Variants in RERE observed in about 807,000 individuals in gnomAD.
The protein encoded by RERE is arginine-glutamic acid dipeptide repeats.
In RERE, 40 loss-of-function variants were observed where a neutral mutation model predicts 146.1. The observed-to-expected ratio is 0.27, with a 90% confidence interval of 0.21 to 0.36. RERE has a LOEUF of 0.36. RERE is among the 10% of genes least tolerant of loss of function. The pLI is 1.00. For synonymous variants in RERE, 1,003 were observed against 866.0 expected (o/e 1.16, Z -2.78); for missense variants, 1,933 against 2,138.7 (o/e 0.90, Z 1.90).
chr1:8,684,465 C>T (rs1284066066), intron 1 of RERE, among the ~76,000 whole-genome samples: 2 of 151,976 alleles, frequency 1.3e-5, no homozygotes, highest in East Asian at 1.9e-4. Flanking sequence ...TGCTGAAACA[C>T]GGAAGCTTAT....
At chr1:8,535,925 G>T (rs1304732387) in intron 7 of RERE, among the ~76,000 whole-genome samples, 1 of 151,996 alleles carries the variant, frequency 6.6e-6, no homozygotes, top group Non-Finnish European at 1.5e-5. Flanking sequence ...GGCCAACATG[G>T]TGAAACCCCC....
chr1:8,607,530 A>ATTTTTTTTTTTTTTTTTTTT (rs1646732347), intron 4 of RERE, among the ~76,000 whole-genome samples: 1 of 57,598 alleles, frequency 1.7e-5, no homozygotes, highest in African/African-American at 6.8e-5. Context: ...TTTTATATAT[A>ATTTTTTTTTTTTTTTTTTTT]TTTCTTTTTT....
intron 1 of RERE, among the ~76,000 whole-genome samples, chr1:8,717,434 C>G (rs1443238462): frequency 6.6e-6 from 1 of 152,148 alleles, no homozygotes; most frequent in Non-Finnish European, 1.5e-5. Context: ...CATTAATAAT[C>G]CTCTAAGAAG....
intron 1 of RERE, among the ~76,000 whole-genome samples, chr1:8,727,797 C>T (rs748570217): frequency 6.6e-6 from 1 of 152,126 alleles, no homozygotes; most frequent in Non-Finnish European, 1.5e-5. Context: ...CGGCCAATTA[C>T]CCACTATTCT....
intron 12 of RERE, among the ~76,000 whole-genome samples, chr1:8,387,816 G>C (rs1325267312): frequency 6.6e-6 from 1 of 152,214 alleles, no homozygotes; most frequent in African/African-American, 2.4e-5. Context: ...GAAGTTACTG[G>C]AATTCTTACA....
intron 11 of RERE, among the ~76,000 whole-genome samples, chr1:8,461,032 C>T (rs1166458840): frequency 6.6e-6 from 1 of 152,190 alleles, no homozygotes; most frequent in Non-Finnish European, 1.5e-5. Flanking sequence ...AACACAACAG[C>T]AGCAAATGCT....
At chr1:8,636,183 T>TCA (rs1647100020) in intron 2 of RERE, among the ~76,000 whole-genome samples, 1 of 152,200 alleles carries the variant, frequency 6.6e-6, no homozygotes, top group Admixed American at 6.5e-5. Context: ...AGACAGGGTT[T>TCA]CACCTTGTTG....
In RERE at chr1:8,444,506, A is replaced by C. The variant is rs74960248; in HGVS notation, c.1203+21419T>G. On this transcript the variant is annotated intron_variant, in intron 11 of 22. Coordinates refer to ENST00000400908, the MANE Select transcript of RERE (RefSeq NM_001042681.2). ...CTTTGGGGGACTATCGATAACGGAT[A>C]ATTTGTAATGTGAGAAGGACATGTG... Among the ~76,000 whole-genome samples, 48 of 152,306 alleles carry C rather than the reference A, an allele frequency of 3.2e-4. No individual in the cohort carries two copies. In the East Asian group the frequency reaches 7.9e-3, roughly 25 times the overall value.
At chr1:8,730,194 T>TA (rs975463317) in intron 1 of RERE, among the ~76,000 whole-genome samples, 12 of 152,194 alleles carry the variant, frequency 7.9e-5, no homozygotes, top group Non-Finnish European at 1.6e-4. Context: ...AGATGAAATA[T>TA]AATGAATCCC....
chr1:8,545,251 A>G lies in RERE; in HGVS notation c.726-3933T>C, dbSNP rs539491691. Reference sequence around the variant, plus strand: ...ATATGACTAAAGACAGGGAAGCCCCATGTGTTAGCATCCTTTCATTCAACA... The same window carrying G: ...ATATGACTAAAGACAGGGAAGCCCCGTGTGTTAGCATCCTTTCATTCAACA... On this transcript the variant is annotated intron_variant, in intron 6 of 22. Coordinates refer to ENST00000400908, the MANE Select transcript of RERE (RefSeq NM_001042681.2). 2.1e-4 allele frequency among the ~76,000 whole-genome samples: 32 copies of G among 152,314 alleles called. No homozygotes were observed. The Middle Eastern group carries it at 0.02, about 97-fold the overall frequency.
chr1:8,457,779 T>G lies in RERE; in HGVS notation c.1203+8146A>C, dbSNP rs976405170. 5.4e-4 allele frequency among the ~76,000 whole-genome samples: 82 copies of G among 152,068 alleles called. 1 individual carries two copies. Among genetic ancestry groups the G allele is most frequent in the Admixed American group, 5.3e-3 (81 of 15,266 alleles). On this transcript the variant is annotated intron_variant, in intron 11 of 22. Transcript: ENST00000400908. Reference sequence around the variant, plus strand: ...CCACGCCCAGCTAATTTTTGTATTTTTAGTAGAGACGGTGTTTCGCTATGT... The same window carrying G: ...CCACGCCCAGCTAATTTTTGTATTTGTAGTAGAGACGGTGTTTCGCTATGT...
chr1:8,416,726 C>T (rs1032812361), intron 12 of RERE, among the ~76,000 whole-genome samples: 1 of 151,986 alleles, frequency 6.6e-6, no homozygotes, highest in African/African-American at 2.4e-5. Context: ...TGAAACTTTA[C>T]AATTTTAACA....
At position 8,516,227 on chromosome 1, in the gene RERE, G is replaced by GGAAA. The variant is rs573135224; in HGVS notation, c.831-7553_831-7552insTTTC. ...GGGACGGAGCAAGACTCTCTCAGAG[G>GGAAA]AAAAAAAAAAAAAAAAAAAAAATCT... On this transcript the variant is annotated intron_variant, in intron 7 of 22. Transcript: ENST00000400908. Among the ~76,000 whole-genome samples the GGAAA allele has an allele frequency of 3.8e-3, 201 of 52,296 alleles. 2 individuals are homozygous for GGAAA. Among genetic ancestry groups the GGAAA allele is most frequent in the African/African-American group, 0.015 (180 of 11,618 alleles). The allele number at this position is 52,296 out of a possible 152,430, so 34.3% of individuals were successfully genotyped here. A position where few individuals can be genotyped will look rare whatever the true frequency, so the allele number is the denominator to read the frequency against.
chr1:8,700,183 T>A (rs1639417482), intron 1 of RERE, among the ~76,000 whole-genome samples: 3 of 151,992 alleles, frequency 2.0e-5, no homozygotes, highest in Admixed American at 2.0e-4. Context: ...CACACGCTTG[T>A]AGTCCCAGCT....
At chr1:8,717,550 T>A (rs781188540) in intron 1 of RERE, among the ~76,000 whole-genome samples, 1 of 152,234 alleles carries the variant, frequency 6.6e-6, no homozygotes, top group Non-Finnish European at 1.5e-5. Context: ...TGTAGAAACA[T>A]ACCTTAAAGG....
At chr1:8,506,327 C>G (rs546190226) in intron 8 of RERE, among the ~76,000 whole-genome samples, 1 of 152,354 alleles carries the variant, frequency 6.6e-6, no homozygotes, top group African/African-American at 2.4e-5. Context: ...TTCTTTCAGT[C>G]TGTATCAGTT....
chr1:8,374,204 C>T (rs74049622), intron 12 of RERE, among the ~76,000 whole-genome samples: 2,283 of 152,276 alleles, frequency 0.015, 58 homozygotes, highest in African/African-American at 0.052. Flanking sequence ...TCCCTCGGTG[C>T]CACCTCCAGA....
intron 12 of RERE, among the ~76,000 whole-genome samples, chr1:8,384,219 T>C (rs974288497): frequency 6.6e-6 from 1 of 152,200 alleles, no homozygotes; most frequent in Non-Finnish European, 1.5e-5. Context: ...CTAGGCTGTG[T>C]GACTGGGAAC....
At chr1:8,418,026 G>T (rs7513738) in intron 12 of RERE, among the ~76,000 whole-genome samples, 4,589 of 152,184 alleles carry the variant, frequency 0.03, 243 homozygotes, top group African/African-American at 0.11. Flanking sequence ...TGCTCACTTT[G>T]TGGGGCCTGA....
Sources: allele counts gnomAD v4.1 joint callset (sites outside exome capture counted in the v4.1 genomes callset), GRCh38; gene constraint gnomAD v4.1.1; transcripts MANE v1.5; gene names NCBI Gene and HGNC (gene_info 2026-07-23, HGNC 2026-07-21).